Variants in ADAR observed in about 807,000 individuals in gnomAD.
The protein encoded by ADAR is double-stranded RNA-specific adenosine deaminase.
ADAR carries 41 observed loss-of-function variants against 113.2 expected under a neutral mutation model. That is an observed-to-expected ratio of 0.36 (90% CI 0.28 to 0.47). ADAR has a LOEUF of 0.47. Ranked by LOEUF, ADAR falls within the 20% of genes least tolerant of loss-of-function variation. The pLI is 1.00. For missense variants in ADAR, 1,242 were observed against 1,540.9 expected (o/e 0.81, Z 3.25); for synonymous variants, 605 against 572.6 (o/e 1.06, Z -0.81).
chr1:154,610,808 CA>C (rs1369386387), upstream of ADAR, among the ~76,000 whole-genome samples: 583 of 40,488 alleles, frequency 0.014, 2 homozygotes, highest in African/African-American at 0.029. Context: ...GACACCGTCT[CA>C]AAAAAAAAAA....
At chr1:154,597,621 T>G (rs955116205) in intron 4 of ADAR, among the ~76,000 whole-genome samples, 1 of 152,154 alleles carries the variant, frequency 6.6e-6, no homozygotes, top group African/African-American at 2.4e-5. Context: ...ATAGAGGAGA[T>G]AGAGGGTGGG....
At chr1:154,622,430 A>G (rs1430389614) in intron 1 of ADAR, among the ~76,000 whole-genome samples, 2 of 152,210 alleles carry the variant, frequency 1.3e-5, no homozygotes, top group Non-Finnish European at 2.9e-5. Context: ...TTGGTCCCCA[A>G]ACTCCAGTCC....
chr1:154,608,216 T>TC, upstream of ADAR: 6 of 581,886 alleles, frequency 1.0e-5, no homozygotes, highest in Non-Finnish European at 1.4e-5. Flanking sequence ...CGGAAAGCCT[T>TC]CCCCTCCGGA....
rs1696975129 is a variant in ADAR at position 154,589,414 on chromosome 1, A to T, written c.2717T>A (p.Val906Asp). 6.2e-7 allele frequency: 1 copy of T among 1,614,094 alleles called. No homozygotes were observed. Among genetic ancestry groups the T allele is most frequent in the Non-Finnish European group, 8.5e-7 (1 of 1,180,040 alleles). Residue 906 changes from valine (V) to aspartate (D), a missense_variant, in exon 9 of 15, where the codon GTC becomes GAC. Physicochemically the swap from Val to Asp is radical, Grantham distance 152. This residue lies in a region of ADAR where 780 missense variants were observed against 1,057.9 expected (regional missense o/e 0.74). Transcript: ENST00000368474. ...GDSLSLKGET[V>D]NDCHAEIISR... ...GATTATTTCTGCATGGCAGTCATTG[A>T]CAGTTTCTCCTTTTAGGCTGAGAGA...
rs1696679517 is a variant in ADAR at position 154,585,316 on chromosome 1, T to C, written c.3344A>G (p.Lys1115Arg). Reference sequence around the variant, plus strand: ...CTCCTTAGTCTTCCCGGATTGCCTTTTGGAATCATATATGCTGACTCTGCC... The same window carrying C: ...CTCCTTAGTCTTCCCGGATTGCCTTCTGGAATCATATATGCTGACTCTGCC... ...KVGRVSIYDS[K>R]RQSGKTKETS... Residue 1115 changes from lysine (K) to arginine (R), a missense_variant, in exon 14 of 15, where the codon AAA (lysine) becomes AGA (arginine). Lys to Arg is a conservative substitution (Grantham distance 26, BLOSUM62 2). Around this residue, in one of 2 missense-constraint regions of ADAR, gnomAD observed 780 missense variants for 1,057.9 expected, o/e 0.74. Transcript: ENST00000368474. The C allele has an allele frequency of 1.9e-6, 3 of 1,614,172 alleles. No individual in the cohort carries two copies. The highest frequency in any genetic ancestry group is 2.5e-6 in the Non-Finnish European group (3 of 1,180,016).
rs1055785883 is a variant in ADAR, at chr1:154,594,850, G to A, written c.2270+1955C>T. 2.0e-5 allele frequency among the ~76,000 whole-genome samples: 3 copies of A among 152,184 alleles called. No homozygotes were observed. In the South Asian group the frequency reaches 6.2e-4, roughly 31 times the overall value. ...TATGCAAGAAGTCTGGTAAGTAAAGGAGTCAACGTATAAAACAGAAGATAT... is the reference window on the plus strand; with the variant it reads ...TATGCAAGAAGTCTGGTAAGTAAAGAAGTCAACGTATAAAACAGAAGATAT... On this transcript the variant is annotated intron_variant, in intron 6 of 14. Coordinates refer to ENST00000368474, the MANE Select transcript of ADAR (RefSeq NM_001111.5).
chr1:154,608,828 A>C (rs56115312), upstream of ADAR: 1 of 75,454 alleles, frequency 1.3e-5, no homozygotes, highest in Admixed American at 1.6e-4. Flanking sequence ...TCCAATGTGG[A>C]GGGGGGGGGG....
chr1:154,589,328 C>G (rs1696969462), intron 9 of ADAR, 41 bp downstream of exon 9: 2 of 1,551,410 alleles, frequency 1.3e-6, no homozygotes, highest in Non-Finnish European at 1.8e-6. Flanking sequence ...CTGGAGCTCT[C>G]CACAGCCGGG....
chr1:154,614,833 T>C (rs1571143252), intron 1 of ADAR, among the ~76,000 whole-genome samples: 1 of 152,336 alleles, frequency 6.6e-6, no homozygotes, highest in Admixed American at 6.5e-5. Flanking sequence ...GAGGGGCTTT[T>C]GTAGAACTGA....
chr1:154,588,101 G>A, intron 11 of ADAR, 24 bp downstream of exon 11: 1 of 1,612,858 alleles, frequency 6.2e-7, no homozygotes, highest in East Asian at 2.2e-5. Flanking sequence ...TTGAGGAAAG[G>A]AGGCGGGGGC....
At chr1:154,627,833 C>G (rs1215260644) in intron 1 of ADAR, 2 of 516,936 alleles carry the variant, frequency 3.9e-6, no homozygotes, top group Non-Finnish European at 3.8e-6. Flanking sequence ...CAGGTGTAGC[C>G]GAGAAGGACA....
intron 9 of ADAR, 111 bp downstream of exon 9, chr1:154,589,258 C>T (rs775409403): frequency 5.0e-5 from 43 of 856,634 alleles, no homozygotes; most frequent in Non-Finnish European, 6.9e-5. Context: ...ACTGCCACAT[C>T]ATGACCCGTC....
At chr1:154,626,369 C>A (rs1263354125) in intron 1 of ADAR, among the ~76,000 whole-genome samples, 1 of 152,094 alleles carries the variant, frequency 6.6e-6, no homozygotes, top group Non-Finnish European at 1.5e-5. Context: ...CCTGCCTCGG[C>A]CTCCCAAAGT....
At chr1:154,618,901 C>A (rs1453460605) in intron 1 of ADAR, among the ~76,000 whole-genome samples, 1 of 152,220 alleles carries the variant, frequency 6.6e-6, no homozygotes, top group South Asian at 2.1e-4. Context: ...CCTGAGGTCA[C>A]GAGTTTGAGA....
chr1:154,586,038 G>C, intron 12 of ADAR, 143 bp downstream of exon 12: 1 of 1,240,704 alleles, frequency 8.1e-7, no homozygotes, highest in South Asian at 1.3e-5. Context: ...TACCACAGCA[G>C]ACTGGACACT....
At chr1:154,590,538 A>G in intron 6 of ADAR, 129 bp from the exon 7 acceptor site, 1 of 871,540 alleles carries the variant, frequency 1.1e-6, no homozygotes, top group Admixed American at 2.0e-5. Context: ...AGCTGTTTCT[A>G]AGGCAGCATT....
In ADAR at chr1:154,585,013, T is replaced by C. The variant is rs1245415697; in HGVS notation, c.3474A>G (p.Lys1158=). The C allele has an allele frequency of 6.2e-7, 1 of 1,613,922 alleles. No homozygotes were observed. Among genetic ancestry groups the C allele is most frequent in the African/African-American group, 1.3e-5 (1 of 74,902 alleles). ...GPRNELSRVS[K]KNIFLLFKKL... is the part of the protein sequence containing the mutation. ...TCTTAAATAGAAGAAAAATGTTCTT[T>C]TTGGAGACCCGGGACAATTCATTCC... The change falls in exon 15 of 15, where the codon AAA becomes AAG. Residue 1158 remains lysine (K), a synonymous_variant. Coordinates refer to ENST00000368474, the MANE Select transcript of ADAR (RefSeq NM_001111.5).
chr1:154,593,766 T>C (rs532967398), intron 6 of ADAR, among the ~76,000 whole-genome samples: 1 of 152,220 alleles, frequency 6.6e-6, no homozygotes, highest in Non-Finnish European at 1.5e-5. Flanking sequence ...AGTTCTTACA[T>C]ATCCATGAGA....
At chr1:154,591,116 TATG>T (rs1697118893) in intron 6 of ADAR, among the ~76,000 whole-genome samples, 1 of 152,212 alleles carries the variant, frequency 6.6e-6, no homozygotes, top group Non-Finnish European at 1.5e-5. Flanking sequence ...TAAAACAGAA[TATG>T]ATAAAATCAT....
Sources: gnomAD v4.1 joint callset for allele counts (sites outside exome capture counted in the v4.1 genomes callset) on GRCh38, gnomAD v4.1.1 for gene constraint, gnomAD v4.1.1 regional missense constraint, MANE v1.5 for transcripts, NCBI Gene and HGNC (gene_info 2026-07-23, HGNC 2026-07-21) for gene names.